The following XYLT1 variants were observed in gnomAD, a reference collection of about 807,000 sequenced individuals.
XYLT1 encodes the protein beta-D-xylosyltransferase 1.
XYLT1 carries 36 observed loss-of-function variants against 91.3 expected under a neutral mutation model. That is an observed-to-expected ratio of 0.39 (90% CI 0.30 to 0.52). XYLT1 has a LOEUF of 0.52. XYLT1 is among the 20% of genes least tolerant of loss of function. XYLT1 has a pLI of 0.68. For missense variants in XYLT1, 1,242 were observed against 1,284.5 expected (o/e 0.97, Z 0.51); for synonymous variants, 588 against 532.0 (o/e 1.11, Z -1.45).
chr16:17,278,145 T>G (rs879462347), intron 2 of XYLT1, among the ~76,000 whole-genome samples: 2 of 152,192 alleles, frequency 1.3e-5, no homozygotes, highest in African/African-American at 4.8e-5. Context: ...GTGGCACCTT[T>G]TCGTGTATGA....
rs143982701 is a variant in XYLT1 at position 17,295,827 on chromosome 16, T to G, written c.403-36329A>C. Reference sequence around the variant, plus strand: ...AATGCACAGGACGACCCTCCACAACTAAGAATGATCTGGCCCCACATGTCA... The same window carrying G: ...AATGCACAGGACGACCCTCCACAACGAAGAATGATCTGGCCCCACATGTCA... On this transcript the variant is annotated intron_variant, in intron 2 of 11. Transcript: ENST00000261381. 3.5e-4 allele frequency among the ~76,000 whole-genome samples: 54 copies of G among 152,256 alleles called. No individual in the cohort carries two copies. The East Asian group carries it at 9.5e-3, about 27-fold the overall frequency.
chr16:17,351,267 C>T (rs1467282041), intron 2 of XYLT1, among the ~76,000 whole-genome samples: 3 of 152,142 alleles, frequency 2.0e-5, no homozygotes, highest in African/African-American at 4.8e-5. Flanking sequence ...GTAATCCCAG[C>T]ACTTTTGGAG....
intron 5 of XYLT1, among the ~76,000 whole-genome samples, chr16:17,163,729 A>G (rs1242431455): frequency 6.6e-6 from 1 of 152,202 alleles, no homozygotes; most frequent in Non-Finnish European, 1.5e-5. Context: ...CTGGACTGCA[A>G]TGAACGACCC....
At chr16:17,392,461 G>T (rs1022975205) in intron 1 of XYLT1, among the ~76,000 whole-genome samples, 1 of 152,120 alleles carries the variant, frequency 6.6e-6, no homozygotes, top group Non-Finnish European at 1.5e-5. Flanking sequence ...ATGTTAACAG[G>T]TTCTACTTTT....
At chr16:17,310,988 C>T (rs909643194) in intron 2 of XYLT1, among the ~76,000 whole-genome samples, 13 of 152,266 alleles carry the variant, frequency 8.5e-5, no homozygotes, top group South Asian at 2.1e-4. Flanking sequence ...TGTCAGAGCA[C>T]GGAGAAAAAG....
intron 6 of XYLT1, among the ~76,000 whole-genome samples, chr16:17,144,858 G>A (rs1304234303): frequency 6.6e-6 from 1 of 152,232 alleles, no homozygotes; most frequent in Non-Finnish European, 1.5e-5. Flanking sequence ...CAGACTGGAG[G>A]GGGATCAGGG....
intron 1 of XYLT1, among the ~76,000 whole-genome samples, chr16:17,420,249 T>C (rs1382586344): frequency 6.6e-6 from 1 of 152,232 alleles, no homozygotes; most frequent in Non-Finnish European, 1.5e-5. Flanking sequence ...TTTAATTTCG[T>C]ATTTTCAAGA....
chr16:17,447,176 C>A (rs116529964), intron 1 of XYLT1, among the ~76,000 whole-genome samples: 1 of 152,176 alleles, frequency 6.6e-6, no homozygotes, highest in Non-Finnish European at 1.5e-5. Context: ...CTAAACCAAG[C>A]GGCCTGCTAT....
chr16:17,302,825 G>A (rs1301446301), intron 2 of XYLT1, among the ~76,000 whole-genome samples: 3 of 150,834 alleles, frequency 2.0e-5, no homozygotes, highest in African/African-American at 7.5e-5. Context: ...ACAATAACGG[G>A]TTACTCAATC....
chr16:17,462,304 G>A (rs781366721), intron 1 of XYLT1, among the ~76,000 whole-genome samples: 5 of 152,172 alleles, frequency 3.3e-5, no homozygotes, highest in African/African-American at 4.8e-5. Flanking sequence ...CACAAAGCTT[G>A]AGAATGGGTC....
intron 2 of XYLT1, among the ~76,000 whole-genome samples, chr16:17,357,071 G>A (rs1397230750): frequency 2.7e-5 from 4 of 150,818 alleles, no homozygotes; most frequent in Admixed American, 1.3e-4. Flanking sequence ...CAGCTGCTGG[G>A]GAGGCTGAGA....
At chr16:17,439,460 G>A (rs550593260) in intron 1 of XYLT1, among the ~76,000 whole-genome samples, 3 of 152,256 alleles carry the variant, frequency 2.0e-5, no homozygotes, top group South Asian at 2.1e-4. Context: ...TCCAAAGACC[G>A]ACATAATTTT....
chr16:17,116,721 A>C (rs972020957), intron 11 of XYLT1, among the ~76,000 whole-genome samples: 2 of 152,228 alleles, frequency 1.3e-5, no homozygotes, highest in Admixed American at 1.3e-4. Flanking sequence ...AGGAGATACT[A>C]AAACATTTTC....
At chr16:17,299,257 C>T (rs558809630) in intron 2 of XYLT1, among the ~76,000 whole-genome samples, 4 of 152,226 alleles carry the variant, frequency 2.6e-5, no homozygotes, top group African/African-American at 9.6e-5. Context: ...CAGCTCCATG[C>T]CTTTATCAAC....
chr16:17,111,381 C>T (rs1242928395), intron 11 of XYLT1, among the ~76,000 whole-genome samples: 2 of 152,082 alleles, frequency 1.3e-5, no homozygotes, highest in East Asian at 3.9e-4. Context: ...TTTTATTGCT[C>T]AGTAGAAGCA....
At chr16:17,358,628 C>A (rs894438779) in intron 1 of XYLT1, among the ~76,000 whole-genome samples, 1 of 152,098 alleles carries the variant, frequency 6.6e-6, no homozygotes, top group Non-Finnish European at 1.5e-5. Flanking sequence ...GAAATGCCCA[C>A]ATGGAGATCA....
At chr16:17,252,850 A>G (rs538706486) in intron 3 of XYLT1, among the ~76,000 whole-genome samples, 4 of 152,320 alleles carry the variant, frequency 2.6e-5, no homozygotes, top group South Asian at 2.1e-4. Flanking sequence ...CCTTAATTAT[A>G]TTCAACTTCC....
chr16:17,116,985 T>A (rs1966853590), intron 11 of XYLT1, among the ~76,000 whole-genome samples: 1 of 152,250 alleles, frequency 6.6e-6, no homozygotes, highest in Non-Finnish European at 1.5e-5. Flanking sequence ...GTGGTCTTTT[T>A]TTTTGTAAAG....
In XYLT1 at chr16:17,470,905, C is replaced by CAGGGAG. The variant is rs2036984221; in HGVS notation, c.-110_-109insCTCCCT. 7 of 251,960 alleles carry CAGGGAG rather than the reference C, an allele frequency of 2.8e-5. No homozygotes were observed. The highest frequency in any genetic ancestry group is 6.2e-3 in the Admixed American group (2 of 322). 15.6% of individuals were successfully genotyped at this position (251,960 alleles called of 1,614,324 possible). A position where few individuals can be genotyped will look rare whatever the true frequency, so the allele number is the denominator to read the frequency against. Reference sequence around the variant, plus strand: ...GCCGGCTGCCGCTCGGGCTCCCGCTCGGGCCGCCGCCGCCGCCCCCCTCCC... The same window carrying CAGGGAG: ...GCCGGCTGCCGCTCGGGCTCCCGCTCAGGGAGGGGCCGCCGCCGCCGCCCCCCTCCC... On this transcript the variant is annotated 5_prime_UTR_variant, in exon 1 of 12. Transcript: ENST00000261381.
Sources: allele counts gnomAD v4.1 joint callset (sites outside exome capture counted in the v4.1 genomes callset), GRCh38; gene constraint gnomAD v4.1.1; transcripts MANE v1.5; gene names NCBI Gene and HGNC (gene_info 2026-07-23, HGNC 2026-07-21).